Variants in RAB4B observed in about 807,000 individuals in gnomAD.
The protein encoded by RAB4B is RAB4B, member RAS oncogene family.
RAB4B carries 15 observed loss-of-function variants against 28.3 expected under a neutral mutation model. The ratio of observed to expected loss-of-function variants is 0.53; its 90% CI spans 0.35 to 0.82. The LOEUF (loss-of-function observed/expected upper bound fraction) is 0.82, where lower values mean the gene tolerates loss of function less well. Ranked by LOEUF, RAB4B falls within the 40% of genes least tolerant of loss-of-function variation. The pLI is 0.01. For missense variants in RAB4B, 244 were observed against 288.5 expected (o/e 0.85, Z 1.12); for synonymous variants, 108 against 116.3 (o/e 0.93, Z 0.46).
At chr19:40,780,128 C>G in intron 2 of RAB4B, 29 bp downstream of exon 2, 1 of 1,612,080 alleles carries the variant, frequency 6.2e-7, no homozygotes. Context: ...TCCTGGGAAC[C>G]CTGAGCTGTG....
chr19:40,794,051 C>G (rs1407846852), intron 7 of RAB4B, among the ~76,000 whole-genome samples: 1 of 151,424 alleles, frequency 6.6e-6, no homozygotes, highest in Non-Finnish European at 1.5e-5. Flanking sequence ...GCCCAGCCAA[C>G]CAATATAATA....
At chr19:40,778,472 G>T in intron 1 of RAB4B, 81 bp downstream of exon 1, 1 of 1,334,688 alleles carries the variant, frequency 7.5e-7, no homozygotes. Flanking sequence ...GGGCTTTGTA[G>T]ATCAGGGGGC....
chr19:40,780,939 G>C (rs1392830330), intron 3 of RAB4B, among the ~76,000 whole-genome samples: 4 of 151,834 alleles, frequency 2.6e-5, no homozygotes, highest in African/African-American at 9.7e-5. Context: ...GAAAGGAAAA[G>C]AGCAAGAGAG....
At chr19:40,788,307 C>A (rs985333543) in intron 7 of RAB4B, among the ~76,000 whole-genome samples, 2 of 151,680 alleles carry the variant, frequency 1.3e-5, no homozygotes, top group South Asian at 4.2e-4. Flanking sequence ...AACAAAGCAA[C>A]CTTATCTCCA....
chr19:40,789,791 AC>A (rs1481528922), intron 7 of RAB4B, among the ~76,000 whole-genome samples: 3 of 152,084 alleles, frequency 2.0e-5, no homozygotes, highest in African/African-American at 7.2e-5. Context: ...CAGCCACCGC[AC>A]CTGGCCAAGA....
At chr19:40,783,702 GTCTGTC>G (rs2083072073) in intron 3 of RAB4B, 70 bp from the exon 4 acceptor site, 1 of 1,408,568 alleles carries the variant, frequency 7.1e-7, no homozygotes, top group Non-Finnish European at 9.4e-7. Flanking sequence ...CGAACCACCA[GTCTGTC>G]TCTGTAGAGG....
intron 7 of RAB4B, among the ~76,000 whole-genome samples, chr19:40,795,480 A>G (rs1332364568): frequency 6.6e-6 from 1 of 151,242 alleles, no homozygotes; most frequent in East Asian, 1.9e-4. Flanking sequence ...GCTCACTGCA[A>G]CCTCCGCCTC....
intron 7 of RAB4B, among the ~76,000 whole-genome samples, chr19:40,791,003 G>A (rs1031874697): frequency 7.9e-5 from 12 of 151,668 alleles, no homozygotes; most frequent in Non-Finnish European, 1.5e-4. Context: ...CTACAGGTGC[G>A]TGCCACCACG....
intron 7 of RAB4B, among the ~76,000 whole-genome samples, chr19:40,789,798 C>G (rs569016571): frequency 2.0e-5 from 3 of 152,288 alleles, no homozygotes; most frequent in African/African-American, 7.2e-5. Flanking sequence ...CGCACCTGGC[C>G]AAGAGTGTAC....
intron 3 of RAB4B, among the ~76,000 whole-genome samples, chr19:40,783,051 T>C (rs1385888753): frequency 7.3e-6 from 1 of 137,712 alleles, no homozygotes; most frequent in Non-Finnish European, 1.5e-5. Flanking sequence ...GGTGGGAGAA[T>C]CACTTGAACC....
chr19:40,788,792 T>C (rs112421331), intron 7 of RAB4B, among the ~76,000 whole-genome samples: 86 of 88,614 alleles, frequency 9.7e-4, no homozygotes, highest in Non-Finnish European at 1.5e-3. Context: ...TTCTTTTTTT[T>C]TTTTTTTTTT....
intron 3 of RAB4B, among the ~76,000 whole-genome samples, chr19:40,783,147 CAAAAAAAAAAAA>C (rs1168587843): frequency 1.1e-3 from 40 of 35,716 alleles, no homozygotes; most frequent in Admixed American, 2.2e-3. Context: ...GATTCCTACT[CAAAAAAAAAAAA>C]AAAAAAAAAA....
chr19:40,782,841 A>AATCT (rs1479325928), intron 3 of RAB4B, among the ~76,000 whole-genome samples: 1 of 148,548 alleles, frequency 6.7e-6, no homozygotes, highest in Non-Finnish European at 1.5e-5. Flanking sequence ...TCAATCAATC[A>AATCT]ATAAAAGACA....
chr19:40,778,869 T>C (rs760158620), intron 1 of RAB4B, among the ~76,000 whole-genome samples: 1 of 151,898 alleles, frequency 6.6e-6, no homozygotes, highest in Non-Finnish European at 1.5e-5. Flanking sequence ...GTGGGACTTA[T>C]GCATGAGAAT....
At chr19:40,788,784 CTT>C (rs1173685187) in intron 7 of RAB4B, among the ~76,000 whole-genome samples, 2 of 84,224 alleles carry the variant, frequency 2.4e-5, no homozygotes, top group African/African-American at 4.9e-5. Context: ...GACAGGGTTT[CTT>C]TTTTTTTTTT....
chr19:40,795,206 AGTTGCAGGATTTCTGGAAGCTCCCAGG>A (rs1449693592), intron 7 of RAB4B, among the ~76,000 whole-genome samples: 1 of 147,604 alleles, frequency 6.8e-6, no homozygotes, highest in Non-Finnish European at 1.5e-5. Context: ...TGAGCCAGCC[AGTTGCAGGATTTCTGGAAGCTCCCAGG>A]TAATGCTATA....
In RAB4B at chr19:40,780,457, T is replaced by G; in HGVS notation, c.170T>G (p.Val57Gly). ...SRVVNVGGKT[V>G]KLQIWDTAGQ... ...GTGGTCAACGTGGGTGGGAAGACTG[T>G]GAAGCTACAGATTTGGGACACGGCT... The change falls in exon 3 of 8, where the codon GTG becomes GGG. Residue 57 changes from valine (V) to glycine (G), a missense_variant. Coordinates refer to ENST00000357052, the MANE Select transcript of RAB4B (RefSeq NM_016154.5). The G allele has an allele frequency of 6.2e-7, 1 of 1,613,690 alleles. No homozygotes were observed. The highest frequency in any genetic ancestry group is 2.2e-5 in the East Asian group (1 of 44,850).
chr19:40,780,131 G>A, intron 2 of RAB4B, 32 bp downstream of exon 2: 2 of 1,611,896 alleles, frequency 1.2e-6, no homozygotes, highest in Non-Finnish European at 1.7e-6. Flanking sequence ...TGGGAACCCT[G>A]AGCTGTGTTT....
chr19:40,783,811 T>C lies in RAB4B; in HGVS notation c.246T>C (p.Ala82=). The C allele has an allele frequency of 7.0e-7, 1 of 1,422,702 alleles. No homozygotes were observed. Among genetic ancestry groups the C allele is most frequent in the Non-Finnish European group, 9.4e-7 (1 of 1,067,226 alleles). 88.1% of individuals were successfully genotyped at this position (1,422,702 alleles called of 1,614,324 possible). ...CGCGGAGTTATTACCGAGGGGCGGCTGGAGCCCTGCTGGTGTACGACATCA... is the reference window on the plus strand; with the variant it reads ...CGCGGAGTTATTACCGAGGGGCGGCCGGAGCCCTGCTGGTGTACGACATCA... ...SVTRSYYRGA[A]GALLVYDITS... The change falls in exon 4 of 8, where the codon GCT becomes GCC. Residue 82 remains alanine, a synonymous_variant. Coordinates refer to ENST00000357052, the MANE Select transcript of RAB4B (RefSeq NM_016154.5).
Sources: gnomAD v4.1 joint callset for allele counts (sites outside exome capture counted in the v4.1 genomes callset) on GRCh38, gnomAD v4.1.1 for gene constraint, MANE v1.5 for transcripts, NCBI Gene and HGNC (gene_info 2026-07-23, HGNC 2026-07-21) for gene names.